PLPPR1: variants seen among roughly 807,000 people sequenced by gnomAD.
PLPPR1 encodes the protein phospholipid phosphatase-related protein type 1.
In PLPPR1, 10 loss-of-function variants were observed where a neutral mutation model predicts 33.1. The ratio of observed to expected loss-of-function variants is 0.30; its 90% confidence interval spans 0.19 to 0.51. PLPPR1 has a LOEUF of 0.51. PLPPR1 is among the 20% of genes least tolerant of loss of function. The pLI is 0.97. For synonymous variants in PLPPR1, 151 were observed against 151.0 expected, an observed-to-expected ratio of 1.00 and a Z score of 0.00; for missense variants, 304 against 408.1, an observed-to-expected ratio of 0.74 and a Z score of 2.20.
At chr9:101,110,470 C>G (rs758106117) in intron 1 of PLPPR1, among the ~76,000 whole-genome samples, 2 of 152,092 alleles carry the variant, frequency 1.3e-5, no homozygotes, top group Non-Finnish European at 2.9e-5. Flanking sequence ...AACATTTACA[C>G]AAATTTGCAA....
intron 1 of PLPPR1, among the ~76,000 whole-genome samples, chr9:101,129,285 T>C (rs1442581401): frequency 1.3e-5 from 2 of 151,690 alleles, no homozygotes; most frequent in Non-Finnish European, 2.9e-5. Flanking sequence ...AAATGGTACA[T>C]CCACCTTAAG....
intron 1 of PLPPR1, among the ~76,000 whole-genome samples, chr9:101,105,806 G>C (rs1241392033): frequency 1.4e-4 from 14 of 99,276 alleles, no homozygotes; most frequent in Non-Finnish European, 4.0e-5. Flanking sequence ...AGGTCACTCA[G>C]GACTTGCTTT....
At chr9:101,232,632 A>C (rs1466597146) in intron 2 of PLPPR1, among the ~76,000 whole-genome samples, 3 of 151,972 alleles carry the variant, frequency 2.0e-5, no homozygotes, top group Non-Finnish European at 4.4e-5. Context: ...ACTGATTCAC[A>C]TATCACAATA....
At chr9:101,244,968 A>C (rs1240423574) in intron 2 of PLPPR1, among the ~76,000 whole-genome samples, 1 of 152,050 alleles carries the variant, frequency 6.6e-6, no homozygotes, top group Non-Finnish European at 1.5e-5. Context: ...AGAGAAGTGC[A>C]AGTTAAGAAT....
At chr9:101,039,530 C>T (rs1000922001) in intron 1 of PLPPR1, among the ~76,000 whole-genome samples, 1 of 152,096 alleles carries the variant, frequency 6.6e-6, no homozygotes, top group Admixed American at 6.6e-5. Flanking sequence ...TACTGAATAA[C>T]ACTCTTCTTA....
intron 1 of PLPPR1, among the ~76,000 whole-genome samples, chr9:101,161,356 G>T (rs758353567): frequency 6.6e-6 from 1 of 152,144 alleles, no homozygotes; most frequent in Non-Finnish European, 1.5e-5. Context: ...CTACAAACTT[G>T]CAAATAAGCA....
chr9:101,151,601 C>T lies in PLPPR1; in HGVS notation c.-45-33849C>T, dbSNP rs1410855. ...TTCTGGATGAATGTTTGAGCATGTA[C>T]CAATGAAGCCTCCTGTGTGGCAGTA... On this transcript the variant is annotated intron_variant, in intron 1 of 7. Coordinates refer to ENST00000374874, the MANE Select transcript of PLPPR1 (RefSeq NM_207299.2). Among the ~76,000 whole-genome samples, 10 of 152,260 alleles carry T rather than the reference C, an allele frequency of 6.6e-5. No individual in the cohort carries two copies. In the East Asian group the frequency reaches 1.9e-3, roughly 29 times the overall value.
Position 101,171,642 on chromosome 9 carries a change from G to C in PLPPR1, c.-45-13808G>C, listed in dbSNP as rs192002751. On this transcript the variant is annotated intron_variant, in intron 1 of 7. Transcript: ENST00000374874. ...AAAGTATTTCTCTTGAAAGCTCAAA[G>C]AGTGTATTCCTAAATCCCACATCAT... Among the ~76,000 whole-genome samples, 4 of 152,280 alleles carry C rather than the reference G, an allele frequency of 2.6e-5. No individual in the cohort carries two copies. The East Asian group carries it at 7.7e-4, about 29-fold the overall frequency.
chr9:101,071,911 A>T (rs1830486542), intron 1 of PLPPR1, among the ~76,000 whole-genome samples: 1 of 152,190 alleles, frequency 6.6e-6, no homozygotes, highest in Admixed American at 6.5e-5. Context: ...AAGGAATTTC[A>T]ACTGTGAGAT....
intron 4 of PLPPR1, among the ~76,000 whole-genome samples, chr9:101,289,985 T>A (rs1828464075): frequency 6.6e-6 from 1 of 152,190 alleles, no homozygotes; most frequent in African/African-American, 2.4e-5. Context: ...ATGAGGTAAT[T>A]TCTAAGAGAA....
intron 1 of PLPPR1, among the ~76,000 whole-genome samples, chr9:101,111,569 G>A (rs1019152526): frequency 2.0e-5 from 3 of 152,096 alleles, no homozygotes; most frequent in Non-Finnish European, 2.9e-5. Context: ...AATTATCAAT[G>A]CAATTTGGTA....
intron 2 of PLPPR1, among the ~76,000 whole-genome samples, chr9:101,210,513 A>T (rs1178132835): frequency 6.6e-6 from 1 of 152,108 alleles, no homozygotes; most frequent in Non-Finnish European, 1.5e-5. Flanking sequence ...TTTATGACAG[A>T]CTATAAGAGG....
At chr9:101,131,027 A>G (rs1032793151) in intron 1 of PLPPR1, among the ~76,000 whole-genome samples, 2 of 152,198 alleles carry the variant, frequency 1.3e-5, no homozygotes, top group African/African-American at 2.4e-5. Context: ...GAGAATAATA[A>G]TCATGTTAAT....
intron 5 of PLPPR1, among the ~76,000 whole-genome samples, chr9:101,312,471 ATATT>A (rs1828976753): frequency 6.6e-6 from 1 of 152,194 alleles, no homozygotes; most frequent in Admixed American, 6.5e-5. Context: ...ACCCCAAATG[ATATT>A]TAAACTTGTC....
At chr9:101,314,298 C>G (rs867174974) in intron 6 of PLPPR1, among the ~76,000 whole-genome samples, 14 of 152,142 alleles carry the variant, frequency 9.2e-5, no homozygotes, top group Admixed American at 2.6e-4. Flanking sequence ...TTTCCTAGCC[C>G]CTCTTCCTTC....
At chr9:101,196,321 TGA>T (rs1362564140) in intron 2 of PLPPR1, among the ~76,000 whole-genome samples, 2 of 152,212 alleles carry the variant, frequency 1.3e-5, no homozygotes, top group African/African-American at 4.8e-5. Flanking sequence ...GGCAGTCTGT[TGA>T]GAGAGTAGCT....
At chr9:101,287,465 GA>G (rs1472530374) in intron 4 of PLPPR1, among the ~76,000 whole-genome samples, 1 of 152,126 alleles carries the variant, frequency 6.6e-6, no homozygotes, top group East Asian at 1.9e-4. Context: ...ACATTTTACA[GA>G]AATTATTTCT....
intron 2 of PLPPR1, among the ~76,000 whole-genome samples, chr9:101,229,052 G>A (rs552300109): frequency 1.1e-4 from 16 of 151,734 alleles, no homozygotes; most frequent in Admixed American, 9.9e-4. Flanking sequence ...GTTCAAATTG[G>A]TCAGTTCTAA....
rs879554145 is a variant in PLPPR1 at position 101,253,547 on chromosome 9, T to TA, written c.64-16322dup. Among the ~76,000 whole-genome samples the TA allele has an allele frequency of 1.7e-3, 248 of 145,660 alleles. 2 individuals are homozygous for TA. Among genetic ancestry groups the TA allele is most frequent in the Middle Eastern group, 0.014 (4 of 278 alleles). On this transcript the variant is annotated intron_variant, in intron 2 of 7. Transcript: ENST00000374874. ...CTGAGTGAGACTTTGTCTCCAAAAA[T>TA]AAAAAAAAAAATGCATTAGCATGCA...
Sources: gnomAD v4.1 joint callset for allele counts (sites outside exome capture counted in the v4.1 genomes callset) on GRCh38, gnomAD v4.1.1 for gene constraint, MANE v1.5 for transcripts, NCBI Gene and HGNC (gene_info 2026-07-23, HGNC 2026-07-21) for gene names.